Variants in EDC4 observed in about 807,000 individuals in gnomAD.
The protein encoded by EDC4 is enhancer of mRNA decapping 4.
EDC4 carries 64 observed loss-of-function variants against 155.8 expected under a neutral mutation model. The observed-to-expected ratio is 0.41, with a 90% CI of 0.34 to 0.51. The LOEUF is 0.51. Ranked by LOEUF, EDC4 falls within the 20% of genes least tolerant of loss-of-function variation. The pLI, the probability that EDC4 is intolerant of heterozygous loss-of-function variation, is 0.19. For missense variants in EDC4, 1,303 were observed against 1,812.5 expected, an observed-to-expected ratio of 0.72 and a Z score of 5.10; for synonymous variants, 684 against 716.8, an observed-to-expected ratio of 0.95 and a Z score of 0.73.
At position 67,879,064 on chromosome 16, in the gene EDC4, G is replaced by A. The variant is rs764974278; in HGVS notation, c.1395G>A (p.Gln465=). The part of the protein sequence containing the change: ...LTHPVLSFGI[Q]VVSRCRLRHT... ...ACCCTGTGCTGAGCTTTGGTATCCA[G>A]GTTGTGAGTCGCTGCCGGCTACGGC... is the stretch of plus-strand genomic sequence containing the variant. The change falls in exon 12 of 29, where the codon CAG becomes CAA. Residue 465 remains glutamine, a synonymous_variant. Transcript: ENST00000358933. The surrounding 1 kb of genome is among the most constrained non-coding windows in gnomAD (Gnocchi z 6.0). The A allele has an allele frequency of 1.2e-5, 19 of 1,613,396 alleles. No homozygotes were observed. The highest frequency in any genetic ancestry group is 1.4e-5 in the Non-Finnish European group (16 of 1,180,008).
rs781090608 is a variant in EDC4, at chr16:67,883,013, G to A, written c.3685G>A (p.Val1229Met). ...VQRIVKGEVS[V>M]ALKEQQAAVT... ...GCGCATCGTTAAGGGTGAGGTGAGT[G>A]TGGCGCTCAAGGAGCAGCAGGCCGC... is the stretch of plus-strand genomic sequence containing the variant. Residue 1229 changes from valine to methionine, a missense_variant, in exon 27 of 29, where the codon GTG (valine) becomes ATG (methionine). Coordinates refer to ENST00000358933, the MANE Select transcript of EDC4 (RefSeq NM_014329.5). The surrounding 1 kb of genome is among the most constrained non-coding windows in gnomAD (Gnocchi z 5.3). 142 of 1,613,968 alleles carry A rather than the reference G, an allele frequency of 8.8e-5. No homozygotes were observed. Among genetic ancestry groups the A allele is most frequent in the Non-Finnish European group, 1.1e-4 (135 of 1,180,036 alleles).
chr16:67,881,335 C>G lies in EDC4; in HGVS notation c.2707C>G (p.Arg903Gly). 1 of 1,614,176 alleles carries G rather than the reference C, an allele frequency of 6.2e-7. No homozygotes were observed. Among genetic ancestry groups the G allele is most frequent in the Non-Finnish European group, 8.5e-7 (1 of 1,180,034 alleles). Reference protein sequence around the residue: ...GGFGTKVPAPRLPAKDWKTKG... With the variant: ...GGFGTKVPAPGLPAKDWKTKG... ...CTTTGGCACCAAAGTTCCTGCTCCA[C>G]GGCTGCCTGCCAAGGACTGGAAGAC... Residue 903 changes from arginine (R) to glycine (G), a missense_variant, in exon 20 of 29, where the codon CGG becomes GGG. Around this residue, in one of 5 missense-constraint regions of EDC4, gnomAD observed 527 missense variants for 757.0 expected, o/e 0.70. Transcript: ENST00000358933. This position sits in a 1 kb window ranked among gnomAD's most constrained non-coding sequence, Gnocchi z 5.4.
chr16:67,880,978 C>T lies in EDC4; in HGVS notation c.2519C>T (p.Thr840Ile). ...APDITRETCSTLAESPRNGLQ... is the reference protein window; with the variant it reads ...APDITRETCSILAESPRNGLQ... ...GACATTACTCGTGAGACCTGCAGCA[C>T]CCTGGCAGAAAGGTGAGGAGCTTGG... Residue 840 changes from threonine (T) to isoleucine (I), a missense_variant, in exon 18 of 29, where the codon ACC (threonine) becomes ATC (isoleucine). Thr to Ile is a moderately conservative substitution (Grantham distance 89). Coordinates refer to ENST00000358933, the MANE Select transcript of EDC4 (RefSeq NM_014329.5). The surrounding 1 kb of genome is among the most constrained non-coding windows in gnomAD (Gnocchi z 5.2). 3.1e-6 allele frequency: 5 copies of T among 1,613,554 alleles called. No individual in the cohort carries two copies. Among genetic ancestry groups the T allele is most frequent in the Non-Finnish European group, 4.2e-6 (5 of 1,179,714 alleles).
chr16:67,873,452 C>A, intron 1 of EDC4, 109 bp downstream of exon 1: 2 of 918,778 alleles, frequency 2.2e-6, no homozygotes, highest in Non-Finnish European at 3.0e-6. Flanking sequence ...CTGGATCCTC[C>A]CGGCGGGTAA....
Position 67,873,193 on chromosome 16 carries a change from G to C in EDC4, c.-69G>C. On this transcript the variant is annotated 5_prime_UTR_variant, in exon 1 of 29. Coordinates refer to ENST00000358933, the MANE Select transcript of EDC4 (RefSeq NM_014329.5). ...CGCTGTCTCGCCCCGTGGCGGGTGA[G>C]CGAGGGTGCGTGGTGCGCGGCGGCG... 8.3e-7 allele frequency: 1 copy of C among 1,211,882 alleles called. No individual in the cohort carries two copies. Among genetic ancestry groups the C allele is most frequent in the Non-Finnish European group, 1.1e-6 (1 of 929,668 alleles). The allele number at this position is 1,211,882 out of a possible 1,614,324, so 75.1% of individuals were successfully genotyped here.
chr16:67,883,126 C>T lies in EDC4; in HGVS notation c.3798C>T (p.Ala1266=), dbSNP rs762749250. The T allele has an allele frequency of 6.2e-7, 1 of 1,607,254 alleles. No individual in the cohort carries two copies. Among genetic ancestry groups the T allele is most frequent in the Admixed American group, 1.7e-5 (1 of 59,038 alleles). Residue 1266 remains alanine, a synonymous_variant, in exon 27 of 29, where the codon GCC becomes GCT. Coordinates refer to ENST00000358933, the MANE Select transcript of EDC4 (RefSeq NM_014329.5). The surrounding 1 kb of genome is among the most constrained non-coding windows in gnomAD (Gnocchi z 5.3). The part of the protein sequence containing the change: ...SAHLDCQAQQ[A]HILQLLQQGH... Reference sequence around the variant, plus strand: ...ACCTTGACTGCCAGGCCCAGCAAGCCCATATCCTGCAGCTGCTGCAGCAGG... The same window carrying T: ...ACCTTGACTGCCAGGCCCAGCAAGCTCATATCCTGCAGCTGCTGCAGCAGG...
Position 67,883,772 on chromosome 16 carries a change from G to A in EDC4, c.4013+41G>A. On this transcript the variant is annotated intron_variant, in intron 28 of 28. Coordinates refer to ENST00000358933, the MANE Select transcript of EDC4 (RefSeq NM_014329.5). This position sits in a 1 kb window ranked among gnomAD's most constrained non-coding sequence, Gnocchi z 5.3. ...CAGGGATGGGGAGATGAGCTGGGGA[G>A]TGGGGCAGTGGGAGGGAGCAGTTTG... The A allele has an allele frequency of 6.2e-7, 1 of 1,604,778 alleles. No individual in the cohort carries two copies. Among genetic ancestry groups the A allele is most frequent in the Non-Finnish European group, 8.5e-7 (1 of 1,173,142 alleles).
rs1598179350 is a variant in EDC4, at chr16:67,883,253, C to T, written c.3849+76C>T. ...CCACATACCATACATTCTACTCCAC[C>T]CACCACCTTTGCACCTTCTGGCCCC... On this transcript the variant is annotated intron_variant, in intron 27 of 28. Transcript: ENST00000358933. This position sits in a 1 kb window ranked among gnomAD's most constrained non-coding sequence, Gnocchi z 5.3. 1.3e-6 allele frequency: 2 copies of T among 1,484,112 alleles called. No homozygotes were observed. Among genetic ancestry groups the T allele is most frequent in the Non-Finnish European group, 1.8e-6 (2 of 1,114,806 alleles). The allele number at this position is 1,484,112 out of a possible 1,614,324, so 91.9% of individuals were successfully genotyped here.
Position 67,875,915 on chromosome 16 carries a change from C to T in EDC4, c.83-30C>T, listed in dbSNP as rs752335861. The T allele has an allele frequency of 5.1e-5, 82 of 1,603,272 alleles. 2 individuals are homozygous for T. In the South Asian group the frequency reaches 8.6e-4, roughly 17 times the overall value. On this transcript the variant is annotated intron_variant, in intron 1 of 28. Transcript: ENST00000358933. ...AGAGGCTTGTGGGCAGGTCGAGCAA[C>T]CTTATCAGAATGACCCTCTTTGTCC...
rs1040212853 is a variant in EDC4 at position 67,878,924 on chromosome 16, C to G, written c.1288-33C>G. ...GGTGGCGCATCACAGCCCTTAGCCT[C>G]TGAGCTCAGCTAGGAACGTTCTGCC... On this transcript the variant is annotated intron_variant, in intron 11 of 28. Coordinates refer to ENST00000358933, the MANE Select transcript of EDC4 (RefSeq NM_014329.5). This position sits in a 1 kb window ranked among gnomAD's most constrained non-coding sequence, Gnocchi z 5.2. The G allele has an allele frequency of 1.3e-5, 21 of 1,610,564 alleles. No individual in the cohort carries two copies. Among genetic ancestry groups the G allele is most frequent in the Non-Finnish European group, 1.8e-5 (21 of 1,179,240 alleles).
Position 67,882,012 on chromosome 16 carries a change from G to A in EDC4, c.3063G>A (p.Glu1021=). Residue 1021 remains glutamate (E), a synonymous_variant, in exon 23 of 29, where the codon GAG becomes GAA. Coordinates refer to ENST00000358933, the MANE Select transcript of EDC4 (RefSeq NM_014329.5). This position sits in a 1 kb window ranked among gnomAD's most constrained non-coding sequence, Gnocchi z 7.2. ...EGQQRGGQLQ[E]QLTQQLSQAL... is the part of the protein sequence containing the mutation. ...AGCAGCGGGGAGGGCAGCTGCAGGA[G>A]CAGCTGACACAACAGTTGTCCCAAG... 6.2e-7 allele frequency: 1 copy of A among 1,611,830 alleles called. No homozygotes were observed. Among genetic ancestry groups the A allele is most frequent in the Middle Eastern group, 1.7e-4 (1 of 6,052 alleles).
At position 67,879,195 on chromosome 16, in the gene EDC4, C is replaced by T; in HGVS notation, c.1469-42C>T. 3 of 1,614,186 alleles carry T rather than the reference C, an allele frequency of 1.9e-6. No individual in the cohort carries two copies. Among genetic ancestry groups the T allele is most frequent in the African/African-American group, 2.7e-5 (2 of 75,050 alleles). ...ATATATCTAGGGGGTTGTGGAGGCA[C>T]AGAGAGGGCCAGGGGCTTCATCATC... is the stretch of plus-strand genomic sequence containing the variant. On this transcript the variant is annotated intron_variant, in intron 12 of 28. Transcript: ENST00000358933. The surrounding 1 kb of genome is among the most constrained non-coding windows in gnomAD (Gnocchi z 6.0).
Position 67,883,573 on chromosome 16 carries a change from G to A in EDC4, c.3855G>A (p.Leu1285=), listed in dbSNP as rs779262662. ...GHLNQAFQQA[L]TAADLNLVLY... is the part of the protein sequence containing the mutation. The stretch of plus-strand genomic sequence containing the variant: ...GCTGCTTTTTTCTCCTCCAGGCGCT[G>A]ACAGCTGCTGACCTGAACCTGGTGC... Residue 1285 remains leucine (L), a synonymous_variant, in exon 28 of 29, where the codon CTG becomes CTA. Coordinates refer to ENST00000358933, the MANE Select transcript of EDC4 (RefSeq NM_014329.5). The surrounding 1 kb of genome is among the most constrained non-coding windows in gnomAD (Gnocchi z 5.3). 2.4e-5 allele frequency: 38 copies of A among 1,613,518 alleles called. No individual in the cohort carries two copies. Among genetic ancestry groups the A allele is most frequent in the Admixed American group, 6.7e-5 (4 of 60,004 alleles).
chr16:67,879,120 A>G lies in EDC4; in HGVS notation c.1451A>G (p.Asn484Ser), dbSNP rs776855378. The G allele has an allele frequency of 3.1e-6, 5 of 1,613,716 alleles. No individual in the cohort carries two copies. The highest frequency in any genetic ancestry group is 2.2e-5 in the East Asian group (1 of 44,868). Residue 484 changes from asparagine (N) to serine (S), a missense_variant, in exon 12 of 29, where the codon AAT (asparagine) becomes AGT (serine). Physicochemically the swap from Asn to Ser is conservative, Grantham distance 46 (BLOSUM62 1). Coordinates refer to ENST00000358933, the MANE Select transcript of EDC4 (RefSeq NM_014329.5). This position sits in a 1 kb window ranked among gnomAD's most constrained non-coding sequence, Gnocchi z 6.0. ...HTEVLPAEEENDSLGADGTHG... is the reference protein window; with the variant it reads ...HTEVLPAEEESDSLGADGTHG... ...GAGGTGCTGCCTGCCGAAGAGGAAA[A>G]TGACAGCCTGGGTGCTGGTGAGCTG...
In EDC4 at chr16:67,873,338, C is replaced by G. The variant is rs369362135; in HGVS notation, c.77C>G (p.Ala26Gly). Residue 26 changes from alanine (A) to glycine (G), a missense_variant, in exon 1 of 29, where the codon GCG (alanine) becomes GGG (glycine). Coordinates refer to ENST00000358933, the MANE Select transcript of EDC4 (RefSeq NM_014329.5). ...LRDILKLDRPAGGPSAESPRP... is the reference protein window; with the variant it reads ...LRDILKLDRPGGGPSAESPRP... ...GACATCCTCAAGCTGGACCGGCCCG[C>G]GGGCGGTGAGCGGGGGTTGCGGGGG... 8.9e-6 allele frequency: 13 copies of G among 1,454,232 alleles called. No individual in the cohort carries two copies. In the East Asian group the frequency reaches 1.2e-4, roughly 13 times the overall value. The allele number at this position is 1,454,232 out of a possible 1,614,324, so 90.1% of individuals were successfully genotyped here.
rs1337103762 is a variant in EDC4, at chr16:67,882,036, A to G, written c.3087A>G (p.Gln1029=). ...LQEQLTQQLS[Q]ALSSAVAGRL... Reference sequence around the variant, plus strand: ...AGCAGCTGACACAACAGTTGTCCCAAGCACTGTCGTCAGCTGTAGCTGGGC... The same window carrying G: ...AGCAGCTGACACAACAGTTGTCCCAGGCACTGTCGTCAGCTGTAGCTGGGC... Residue 1029 remains glutamine, a synonymous_variant, in exon 23 of 29, where the codon CAA becomes CAG. Transcript: ENST00000358933. The surrounding 1 kb of genome is among the most constrained non-coding windows in gnomAD (Gnocchi z 7.2). 1 of 1,612,764 alleles carries G rather than the reference A, an allele frequency of 6.2e-7. No homozygotes were observed.
Position 67,876,603 on chromosome 16 carries a change from G to A in EDC4, c.351+4G>A. On this transcript the variant is annotated splice_donor_region_variant and intron_variant, in intron 3 of 28. Transcript: ENST00000358933. The surrounding 1 kb of genome is among the most constrained non-coding windows in gnomAD (Gnocchi z 5.8). ...CAAGGCCCGGGGAAGCAACAAGGTA[G>A]GTACTGGGATGCTGTGGCATATATA... 1 of 1,614,004 alleles carries A rather than the reference G, an allele frequency of 6.2e-7. No homozygotes were observed. Among genetic ancestry groups the A allele is most frequent in the East Asian group, 2.2e-5 (1 of 44,886 alleles).
In EDC4 at chr16:67,877,230, C is replaced by T. The variant is rs770537462; in HGVS notation, c.465C>T (p.Gly155=). 3.7e-6 allele frequency: 6 copies of T among 1,613,030 alleles called. No homozygotes were observed. The East Asian group carries it at 1.1e-4, about 30-fold the overall frequency. The change falls in exon 5 of 29, where the codon GGC becomes GGT. Residue 155 remains glycine (G), a synonymous_variant. Transcript: ENST00000358933. This position sits in a 1 kb window ranked among gnomAD's most constrained non-coding sequence, Gnocchi z 4.9. Reference sequence around the variant, plus strand: ...TCCTGATTCCAGCTGCCAACAATGGCTCTGCCATGGTGCGGGTGATCAGCG... The same window carrying T: ...TCCTGATTCCAGCTGCCAACAATGGTTCTGCCATGGTGCGGGTGATCAGCG... ...LAYAIRAANN[G]SAMVRVISVS...
In EDC4 at chr16:67,878,900, G is replaced by C. The variant is rs1249252748; in HGVS notation, c.1288-57G>C. Reference sequence around the variant, plus strand: ...ATTATAGAGGAAGGCCGGGGGGCAGGTGGCGCATCACAGCCCTTAGCCTCT... The same window carrying C: ...ATTATAGAGGAAGGCCGGGGGGCAGCTGGCGCATCACAGCCCTTAGCCTCT... On this transcript the variant is annotated intron_variant, in intron 11 of 28. Transcript: ENST00000358933. The surrounding 1 kb of genome is among the most constrained non-coding windows in gnomAD (Gnocchi z 5.2). The C allele has an allele frequency of 3.1e-6, 5 of 1,611,020 alleles. No individual in the cohort carries two copies. The highest frequency in any genetic ancestry group is 4.2e-6 in the Non-Finnish European group (5 of 1,179,896).
Sources: gnomAD v4.1 joint callset for allele counts on GRCh38, gnomAD v4.1.1 for gene constraint, gnomAD v4.1.1 regional missense constraint, Gnocchi (gnomAD v3.1) non-coding constraint, MANE v1.5 for transcripts, NCBI Gene and HGNC (gene_info 2026-07-23, HGNC 2026-07-21) for gene names.